PROC: variants seen among roughly 807,000 people sequenced by gnomAD.
PROC encodes vitamin K-dependent protein C.
Under a neutral mutation model 36.3 loss-of-function variants are expected in PROC, and 22 were observed. The ratio of observed to expected loss-of-function variants is 0.61; its 90% CI spans 0.43 to 0.86. PROC has a LOEUF of 0.86. Among genes scored for constraint, PROC ranks in the 40% least tolerant of loss-of-function variants. The pLI is 0.00. For synonymous variants in PROC, 218 were observed against 244.5 expected, an observed-to-expected ratio of 0.89 and a Z score of 1.01; for missense variants, 526 against 629.7, an observed-to-expected ratio of 0.84 and a Z score of 1.76.
chr2:127,427,856 G>C (rs377486996), intron 8 of PROC, among the ~76,000 whole-genome samples: 1 of 152,352 alleles, frequency 6.6e-6, no homozygotes, highest in Non-Finnish European at 1.5e-5. Flanking sequence ...TCTTCCCAGG[G>C]AACCATCAGT....
intron 6 of PROC, among the ~76,000 whole-genome samples, chr2:127,425,649 C>T (rs950544895): frequency 7.2e-5 from 11 of 152,222 alleles, no homozygotes; most frequent in African/African-American, 2.7e-4. Flanking sequence ...AGTTTAACCA[C>T]CTATGTAAGG....
Position 127,426,215 on chromosome 2 carries a change from C to T in PROC, c.666C>T (p.Asp222=), listed in dbSNP as rs771116175. ...ATGGGAAGATGACCAGGCGGGGAGACAGCCCCTGGCAGGTGGGAGGCGAGG... is the reference window on the plus strand; with the variant it reads ...ATGGGAAGATGACCAGGCGGGGAGATAGCCCCTGGCAGGTGGGAGGCGAGG... The part of the protein sequence containing the change: ...LIDGKMTRRG[D]SPWQVVLLDS... Residue 222 remains aspartate (D), a synonymous_variant, in exon 7 of 9, where the codon GAC becomes GAT. Transcript: ENST00000234071. This position sits in a 1 kb window ranked among gnomAD's most constrained non-coding sequence, Gnocchi z 7.0. The T allele has an allele frequency of 6.8e-6, 11 of 1,613,894 alleles. No individual in the cohort carries two copies. Among genetic ancestry groups the T allele is most frequent in the Non-Finnish European group, 9.3e-6 (11 of 1,180,034 alleles).
At position 127,423,272 on chromosome 2, in the gene PROC, A is replaced by G; in HGVS notation, c.401-2A>G. The G allele has an allele frequency of 1.9e-6, 3 of 1,546,726 alleles. No homozygotes were observed. The highest frequency in any genetic ancestry group is 2.6e-6 in the Non-Finnish European group (3 of 1,145,768). ...GCTGCCCGCGCCCTCCCCTGCCCGC[A>G]GAGGTGAGCTTCCTCAATTGCTCGC... On this transcript the variant is annotated splice_acceptor_variant, in intron 5 of 8. Coordinates refer to ENST00000234071, the MANE Select transcript of PROC (RefSeq NM_000312.4). LOFTEE classifies it high-confidence loss of function.
rs771095734 is a variant in PROC, at chr2:127,427,149, G to T, written c.723G>T (p.Val241=). ...DSKKKLACGA[V]LIHPSWVLTA... ...AGAAGAAGCTGGCCTGCGGGGCAGT[G>T]CTCATCCACCCCTCCTGGGTGCTGA... is the stretch of plus-strand genomic sequence containing the variant. Residue 241 remains valine (V), a synonymous_variant, in exon 8 of 9, where the codon GTG becomes GTT. Coordinates refer to ENST00000234071, the MANE Select transcript of PROC (RefSeq NM_000312.4). 34 of 1,613,710 alleles carry T rather than the reference G, an allele frequency of 2.1e-5. No homozygotes were observed. The highest frequency in any genetic ancestry group is 3.3e-4 in the Middle Eastern group (2 of 6,078).
In PROC at chr2:127,423,091, G is replaced by A; in HGVS notation, c.320G>A (p.Gly107Glu). ...CACCCGTGCGCCAGCCTGTGCTGCG[G>A]GCACGGCACGTGCATCGACGGCATC... is the stretch of plus-strand genomic sequence containing the variant. ...LEHPCASLCC[G>E]HGTCIDGIGS... The change falls in exon 5 of 9, where the codon GGG (glycine) becomes GAG (glutamate). Residue 107 changes from glycine (G) to glutamate (E), a missense_variant. Transcript: ENST00000234071. 6.2e-7 allele frequency: 1 copy of A among 1,611,528 alleles called. No individual in the cohort carries two copies. Among genetic ancestry groups the A allele is most frequent in the Non-Finnish European group, 8.5e-7 (1 of 1,179,236 alleles).
In PROC at chr2:127,426,353, A is replaced by C; in HGVS notation, c.678+126A>C. 7.2e-7 allele frequency: 1 copy of C among 1,383,828 alleles called. No homozygotes were observed. Among genetic ancestry groups the C allele is most frequent in the Non-Finnish European group, 1.0e-6 (1 of 995,736 alleles). 85.7% of individuals were successfully genotyped at this position (1,383,828 alleles called of 1,614,324 possible). ...CTGCCATTGCGTTTGGGGGATGATG[A>C]AGGTGGGGGATGCTTCAGGGAAAGA... On this transcript the variant is annotated intron_variant, in intron 7 of 8. Transcript: ENST00000234071. The surrounding 1 kb of genome is among the most constrained non-coding windows in gnomAD (Gnocchi z 7.0).
At position 127,427,469 on chromosome 2, in the gene PROC, CAT is replaced by C. The variant is rs78592796; in HGVS notation, c.796+248_796+249del. Among the ~76,000 whole-genome samples, 578 of 151,774 alleles carry C rather than the reference CAT, an allele frequency of 3.8e-3. 6 individuals carry two copies. Among genetic ancestry groups the C allele is most frequent in the African/African-American group, 1.0e-2 (413 of 41,406 alleles). ...ATCTGGGCACAGGTACCTGCACACA[CAT>C]GTTTGTGAGGGGCTACACAGACCTT... On this transcript the variant is annotated intron_variant, in intron 8 of 8. Transcript: ENST00000234071.
At chr2:127,427,832 G>C (rs1688621740) in intron 8 of PROC, among the ~76,000 whole-genome samples, 1 of 152,236 alleles carries the variant, frequency 6.6e-6, no homozygotes, top group South Asian at 2.1e-4. Flanking sequence ...GCTTGGCTTA[G>C]AATTCCCAGG....
intron 8 of PROC, among the ~76,000 whole-genome samples, 182 bp downstream of exon 8, chr2:127,427,404 C>T (rs1018705843): frequency 1.3e-5 from 2 of 152,080 alleles, no homozygotes; most frequent in Non-Finnish European, 2.9e-5. Flanking sequence ...CATGTACACC[C>T]AGTATTTTGC....
chr2:127,418,521 G>A lies in PROC; in HGVS notation c.-22+29G>A, dbSNP rs1265962164. 2.3e-6 allele frequency: 3 copies of A among 1,289,204 alleles called. No homozygotes were observed. The highest frequency in any genetic ancestry group is 5.6e-5 in the East Asian group (1 of 18,018). 79.9% of individuals were successfully genotyped at this position (1,289,204 alleles called of 1,614,324 possible). On this transcript the variant is annotated intron_variant, in intron 1 of 8. Coordinates refer to ENST00000234071, the MANE Select transcript of PROC (RefSeq NM_000312.4). This position sits in a 1 kb window ranked among gnomAD's most constrained non-coding sequence, Gnocchi z 4.8. ...AGTCCCCCTCCAGGCAGGTCTATGA[G>A]GGGTGTGGAGGGAGGGCTGCCCCCG...
At chr2:127,428,211 G>A (rs1688649113) in intron 8 of PROC, 146 bp from the exon 9 acceptor site, 4 of 786,302 alleles carry the variant, frequency 5.1e-6, no homozygotes, top group Non-Finnish European at 6.3e-6. Flanking sequence ...CAGTGCCTGG[G>A]ACGTGTGGGT....
chr2:127,421,232 C>A, intron 2 of PROC, 51 bp from the exon 3 acceptor site: 2 of 1,600,288 alleles, frequency 1.2e-6, no homozygotes, highest in Non-Finnish European at 1.7e-6. Context: ...ATGGCCCCAG[C>A]CCCTCTTAGG....
Position 127,426,424 on chromosome 2 carries a change from A to AGGGGCATG in PROC, c.678+207_678+214dup. 2.2e-6 allele frequency: 1 copy of AGGGGCATG among 448,078 alleles called. No homozygotes were observed. Among genetic ancestry groups the AGGGGCATG allele is most frequent in the South Asian group, 1.9e-5 (1 of 52,168 alleles). The allele number at this position is 448,078 out of a possible 1,614,324, so 27.8% of individuals were successfully genotyped here. ...AGGAGCAGCCAGGGTGGGTGAGGGG[A>AGGGGCATG]GGGGCATGGGGGCATGGAGGGGTCT... is the stretch of plus-strand genomic sequence containing the variant. On this transcript the variant is annotated intron_variant, in intron 7 of 8. Coordinates refer to ENST00000234071, the MANE Select transcript of PROC (RefSeq NM_000312.4). The surrounding 1 kb of genome is among the most constrained non-coding windows in gnomAD (Gnocchi z 7.0).
Position 127,425,414 on chromosome 2 carries a change from G to A in PROC, c.536-671G>A, listed in dbSNP as rs538490419. Among the ~76,000 whole-genome samples, 40 of 152,280 alleles carry A rather than the reference G, an allele frequency of 2.6e-4. No individual in the cohort carries two copies. The South Asian group carries it at 6.6e-3, about 25-fold the overall frequency. ...TTCAAGGCCCATTTTGAGCAGAGTC[G>A]GGCCGACCTTTCAGCCCTCAGTTCT... On this transcript the variant is annotated intron_variant, in intron 6 of 8. Coordinates refer to ENST00000234071, the MANE Select transcript of PROC (RefSeq NM_000312.4).
At position 127,427,148 on chromosome 2, in the gene PROC, T is replaced by C. The variant is rs1266872578; in HGVS notation, c.722T>C (p.Val241Ala). The C allele has an allele frequency of 3.7e-6, 6 of 1,613,850 alleles. No homozygotes were observed. The Admixed American group carries it at 8.3e-5, about 22-fold the overall frequency. ...DSKKKLACGA[V>A]LIHPSWVLTA... ...AAGAAGAAGCTGGCCTGCGGGGCAG[T>C]GCTCATCCACCCCTCCTGGGTGCTG... The change falls in exon 8 of 9, where the codon GTG becomes GCG. Residue 241 changes from valine to alanine, a missense_variant. Val to Ala is a moderately conservative substitution (Grantham distance 64). Coordinates refer to ENST00000234071, the MANE Select transcript of PROC (RefSeq NM_000312.4).
chr2:127,425,001 C>CTG (rs1344672825), intron 6 of PROC, among the ~76,000 whole-genome samples: 1 of 152,220 alleles, frequency 6.6e-6, no homozygotes, highest in African/African-American at 2.4e-5. Flanking sequence ...CAGCTAAGAG[C>CTG]ACCACTCCTT....
At position 127,428,647 on chromosome 2, in the gene PROC, A is replaced by T; in HGVS notation, c.1087A>T (p.Ile363Phe). The T allele has an allele frequency of 5.0e-6, 8 of 1,614,066 alleles. No homozygotes were observed. The highest frequency in any genetic ancestry group is 6.8e-6 in the Non-Finnish European group (8 of 1,180,046). The change falls in exon 9 of 9, where the codon ATC becomes TTC. Residue 363 changes from isoleucine (I) to phenylalanine (F), a missense_variant. Ile to Phe is a conservative substitution (Grantham distance 21). Coordinates refer to ENST00000234071, the MANE Select transcript of PROC (RefSeq NM_000312.4). ...AAACCGCACCTTCGTCCTCAACTTC[A>T]TCAAGATTCCCGTGGTCCCGCACAA... ...KRNRTFVLNF[I>F]KIPVVPHNEC...
Position 127,426,145 on chromosome 2 carries a change from G to C in PROC, c.596G>C (p.Arg199Pro), listed in dbSNP as rs773327173. Reference protein sequence around the residue: ...RMEKKRSHLKRDTEDQEDQVD... With the variant: ...RMEKKRSHLKPDTEDQEDQVD... ...GAGAAGAAGCGCAGTCACCTGAAACGAGACACAGAAGACCAAGAAGACCAA... is the reference window on the plus strand; with the variant it reads ...GAGAAGAAGCGCAGTCACCTGAAACCAGACACAGAAGACCAAGAAGACCAA... Residue 199 changes from arginine (R) to proline (P), a missense_variant, in exon 7 of 9, where the codon CGA becomes CCA. Coordinates refer to ENST00000234071, the MANE Select transcript of PROC (RefSeq NM_000312.4). The surrounding 1 kb of genome is among the most constrained non-coding windows in gnomAD (Gnocchi z 7.0). 1.2e-6 allele frequency: 2 copies of C among 1,614,126 alleles called. No individual in the cohort carries two copies. Among genetic ancestry groups the C allele is most frequent in the Non-Finnish European group, 1.7e-6 (2 of 1,180,030 alleles).
intron 7 of PROC, 23 bp from the exon 8 acceptor site, chr2:127,427,082 G>A: frequency 6.2e-7 from 1 of 1,605,798 alleles, no homozygotes; most frequent in Non-Finnish European, 8.5e-7. Flanking sequence ...GCCCTGTGAT[G>A]TCATCATCCC....
Sources: gnomAD v4.1 joint callset for allele counts (sites outside exome capture counted in the v4.1 genomes callset) on GRCh38, gnomAD v4.1.1 for gene constraint, Gnocchi (gnomAD v3.1) non-coding constraint, MANE v1.5 for transcripts, NCBI Gene and HGNC (gene_info 2026-07-23, HGNC 2026-07-21) for gene names.